Variants in LARP4 observed in about 807,000 individuals in gnomAD.
LARP4 encodes the protein la-related protein 4.
Under a neutral mutation model 92.9 loss-of-function variants are expected in LARP4, and 29 were observed. That is an observed-to-expected ratio of 0.31 (90% CI 0.23 to 0.43). The LOEUF (loss-of-function observed/expected upper bound fraction) is 0.43, where lower values mean the gene tolerates loss of function less well. Among genes scored for constraint, LARP4 ranks in the 20% least tolerant of loss-of-function variants. LARP4 has a pLI of 1.00. For synonymous variants in LARP4, 279 were observed against 284.1 expected, an observed-to-expected ratio of 0.98 and a Z score of 0.18; for missense variants, 732 against 860.0, an observed-to-expected ratio of 0.85 and a Z score of 1.86.
chr12:50,453,610 G>A lies in LARP4; in HGVS notation c.955G>A (p.Val319Ile), dbSNP rs201761805. ...ATATAATCCTCACCAACAGTACTCG[G>A]TCTATAGTATTGTGCCTCAGTCTTG... ...PVYNPHQQYS[V>I]YSIVPQSWSP... The change falls in exon 9 of 16, where the codon GTC becomes ATC. Residue 319 changes from valine to isoleucine, a missense_variant. Val to Ile is a conservative substitution (Grantham distance 29). Coordinates refer to ENST00000398473, the MANE Select transcript of LARP4 (RefSeq NM_052879.5). 7.9e-5 allele frequency: 128 copies of A among 1,613,386 alleles called. No homozygotes were observed. Among genetic ancestry groups the A allele is most frequent in the Admixed American group, 1.0e-4 (6 of 59,972 alleles).
chr12:50,462,577 A>G lies in LARP4; in HGVS notation c.1335-5A>G. On this transcript the variant is annotated splice_polypyrimidine_tract_variant and splice_region_variant and intron_variant, in intron 11 of 15. Coordinates refer to ENST00000398473, the MANE Select transcript of LARP4 (RefSeq NM_052879.5). ...ACCCCACCCCCACCTTTTTCTTATT[A>G]AAAGGAGAACTCTCTTCAGAGGTCG... The G allele has an allele frequency of 1.2e-6, 1 of 822,702 alleles. No homozygotes were observed. The highest frequency in any genetic ancestry group is 1.6e-6 in the Non-Finnish European group (1 of 624,404). The allele number at this position is 822,702 out of a possible 1,614,324, so 51.0% of individuals were successfully genotyped here.
chr12:50,453,195 G>A (rs1241452556), intron 8 of LARP4, among the ~76,000 whole-genome samples: 2 of 151,538 alleles, frequency 1.3e-5, no homozygotes, highest in African/African-American at 2.4e-5. Flanking sequence ...GGTTACAGGT[G>A]TGAGCCAGCA....
At chr12:50,411,247 G>A (rs142644414) in intron 1 of LARP4, among the ~76,000 whole-genome samples, 1,858 of 151,022 alleles carry the variant, frequency 0.012, 43 homozygotes, top group African/African-American at 0.041. Flanking sequence ...GTGCAGTGGC[G>A]CAATCTTGGC....
chr12:50,413,028 C>T (rs996455744), intron 1 of LARP4, among the ~76,000 whole-genome samples: 1 of 151,936 alleles, frequency 6.6e-6, no homozygotes, highest in African/African-American at 2.4e-5. Flanking sequence ...TTGAGAACAG[C>T]ATGACCAACA....
At position 50,450,935 on chromosome 12, in the gene LARP4, A is replaced by T. The variant is rs573713619; in HGVS notation, c.805-2525A>T. 2.4e-4 allele frequency among the ~76,000 whole-genome samples: 37 copies of T among 152,242 alleles called. No homozygotes were observed. In the South Asian group the frequency reaches 5.8e-3, roughly 24 times the overall value. ...TTGTTTGGATGTACACGTTGTGTTC[A>T]ACTGGTGATGGACTGTTGGGTTGCT... On this transcript the variant is annotated intron_variant, in intron 8 of 15. Coordinates refer to ENST00000398473, the MANE Select transcript of LARP4 (RefSeq NM_052879.5).
At chr12:50,454,247 T>C in intron 9 of LARP4, 67 bp from the exon 10 acceptor site, 1 of 1,162,368 alleles carries the variant, frequency 8.6e-7, no homozygotes, top group Non-Finnish European at 1.3e-6. Context: ...TCATTAAGGT[T>C]CTTGTGACCC....
chr12:50,467,203 C>G, intron 13 of LARP4, 83 bp downstream of exon 13: 1 of 1,051,948 alleles, frequency 9.5e-7, no homozygotes, highest in Non-Finnish European at 1.4e-6. Flanking sequence ...ATTTTACTTG[C>G]ACTTAGTGTA....
intron 10 of LARP4, among the ~76,000 whole-genome samples, chr12:50,460,341 G>T (rs987328821): frequency 1.3e-5 from 2 of 152,022 alleles, no homozygotes; most frequent in African/African-American, 4.8e-5. Context: ...GTATATTATT[G>T]TCTTAGAGAT....
At chr12:50,428,047 G>A (rs1949074519) in intron 2 of LARP4, 138 bp downstream of exon 2, 3 of 544,474 alleles carry the variant, frequency 5.5e-6, no homozygotes, top group South Asian at 7.8e-5. Context: ...CCAGGCTGGA[G>A]TACAGTGGCG....
chr12:50,440,800 C>T (rs1392299772), intron 7 of LARP4, among the ~76,000 whole-genome samples: 1 of 151,774 alleles, frequency 6.6e-6, no homozygotes, highest in African/African-American at 2.4e-5. Context: ...ACATAGGGAT[C>T]GAGAACCATG....
chr12:50,463,236 C>G (rs1372848811), intron 12 of LARP4, among the ~76,000 whole-genome samples: 1 of 150,702 alleles, frequency 6.6e-6, no homozygotes, highest in East Asian at 2.0e-4. Context: ...GGCTACAGGC[C>G]CCATGCAAGT....
chr12:50,466,382 G>A (rs1956150450), intron 12 of LARP4, among the ~76,000 whole-genome samples: 1 of 152,182 alleles, frequency 6.6e-6, no homozygotes, highest in Non-Finnish European at 1.5e-5. Context: ...GGGAGGCCAA[G>A]GAGAGAGGAT....
intron 1 of LARP4, 155 bp downstream of exon 1, chr12:50,401,183 C>T: frequency 3.8e-6 from 3 of 789,170 alleles, no homozygotes; most frequent in Non-Finnish European, 6.6e-6. Flanking sequence ...CCTGCAGCTT[C>T]CCTCTGCGCG....
intron 12 of LARP4, among the ~76,000 whole-genome samples, chr12:50,465,045 C>T (rs1323617378): frequency 6.6e-6 from 1 of 151,914 alleles, no homozygotes; most frequent in Non-Finnish European, 1.5e-5. Context: ...CTCAAGTGGC[C>T]CTCAACAATT....
At chr12:50,432,151 CTT>C (rs1949750833) in intron 4 of LARP4, among the ~76,000 whole-genome samples, 3 of 152,140 alleles carry the variant, frequency 2.0e-5, no homozygotes, top group Admixed American at 2.0e-4. Flanking sequence ...TATGGGTCTG[CTT>C]CTATTGTCTG....
chr12:50,432,871 A>AAG (rs1456726483), intron 4 of LARP4, among the ~76,000 whole-genome samples: 11 of 151,190 alleles, frequency 7.3e-5, no homozygotes, highest in Admixed American at 5.9e-4. Context: ...AAAAAAAAAA[A>AAG]AAAAAAGAAA....
intron 9 of LARP4, among the ~76,000 whole-genome samples, chr12:50,453,927 A>G (rs185994466): frequency 9.9e-5 from 15 of 152,200 alleles, no homozygotes; most frequent in African/African-American, 3.1e-4. Context: ...ATGCCCGGCC[A>G]CTTTTTGGCT....
chr12:50,417,897 G>A (rs997963585), intron 1 of LARP4, among the ~76,000 whole-genome samples: 1 of 151,980 alleles, frequency 6.6e-6, no homozygotes, highest in South Asian at 2.1e-4. Flanking sequence ...TTTCACTCCT[G>A]TTACCCAGGC....
intron 1 of LARP4, among the ~76,000 whole-genome samples, chr12:50,426,020 T>C (rs1207022628): frequency 6.6e-6 from 1 of 152,132 alleles, no homozygotes; most frequent in Non-Finnish European, 1.5e-5. Context: ...TACTCTCATA[T>C]TGCATCCGGT....
Sources: allele counts gnomAD v4.1 joint callset (sites outside exome capture counted in the v4.1 genomes callset), GRCh38; gene constraint gnomAD v4.1.1; transcripts MANE v1.5; gene names NCBI Gene and HGNC (gene_info 2026-07-23, HGNC 2026-07-21).